Variants in NXF2B observed in about 807,000 individuals in gnomAD.
NXF2B encodes nuclear RNA export factor 2.
intron 2 of NXF2B, among the ~76,000 whole-genome samples, chrX:102,393,570 A>ATG (rs1934304581): frequency 2.6e-5 from 1 of 37,924 alleles, no homozygotes; most frequent in Non-Finnish European, 4.6e-5. Flanking sequence ...ATATATATAT[A>ATG]TATATATATA....
intron 2 of NXF2B, among the ~76,000 whole-genome samples, chrX:102,435,778 G>T (rs1219194498): frequency 7.3e-4 from 67 of 92,326 alleles, no homozygotes; most frequent in Admixed American, 1.7e-3. Context: ...AAAAAATCAT[G>T]TCCAGGGTTA....
chrX:102,398,147 C>A, intron 2 of NXF2B, among the ~76,000 whole-genome samples: 1 of 73,748 alleles, frequency 1.4e-5, no homozygotes, highest in African/African-American at 5.4e-5. Flanking sequence ...AACCAGCCAA[C>A]AAACATATGA....
Position 102,377,484 on chromosome X carries a change from A to AAT in NXF2B, c.43+2508_43+2509dup, listed in dbSNP as rs1313080643. 4.5e-3 allele frequency among the ~76,000 whole-genome samples: 9 copies of AAT among 2,004 alleles called. 1 individual carries two copies. The highest frequency in any genetic ancestry group is 0.021 in the African/African-American group (9 of 433). 1.7% of individuals were successfully genotyped at this position (2,004 alleles called of 115,157 possible). A position where few individuals can be genotyped will look rare whatever the true frequency, so the allele number is the denominator to read the frequency against. ...CTTGTTAATCTCCATTATTATTTTTAATTTTCTGTAGCTTCTCTTGAGTTT... is the reference window on the plus strand; with the variant it reads ...CTTGTTAATCTCCATTATTATTTTTAATATTTTCTGTAGCTTCTCTTGAGTTT... On this transcript the variant is annotated intron_variant, in intron 1 of 20. Coordinates refer to ENST00000604395, the Ensembl canonical transcript of NXF2B.
rs1440569559 is a variant in NXF2B, at chrX:102,392,918, T to A, written c.-53-12829A>T. ...TATCTTTTCAACAGACTTCTTTTTTTTTTTTTTAATCCTTTAAGTTTTAGG... is the reference window on the plus strand; with the variant it reads ...TATCTTTTCAACAGACTTCTTTTTTATTTTTTTAATCCTTTAAGTTTTAGG... On this transcript the variant is annotated intron_variant, in intron 2 of 22. Transcript: ENST00000602195. 2.0e-4 allele frequency among the ~76,000 whole-genome samples: 4 copies of A among 20,502 alleles called. 1 individual carries two copies. Among genetic ancestry groups the A allele is most frequent in the Admixed American group, 7.1e-4 (1 of 1,415 alleles). 17.8% of individuals were successfully genotyped at this position (20,502 alleles called of 115,157 possible). A position where few individuals can be genotyped will look rare whatever the true frequency, so the allele number is the denominator to read the frequency against.
At chrX:102,398,411 C>T (rs1483174804) in intron 2 of NXF2B, among the ~76,000 whole-genome samples, 2 of 14,155 alleles carry the variant, frequency 1.4e-4, no homozygotes, top group Non-Finnish European at 2.4e-4. Context: ...AATCCCCCTA[C>T]CGGGTATCTA....
At chrX:102,397,936 A>G (rs1388016403) in intron 2 of NXF2B, among the ~76,000 whole-genome samples, 3 of 114,544 alleles carry the variant, frequency 2.6e-5, no homozygotes, top group African/African-American at 9.5e-5. Context: ...CAAAGGAAAT[A>G]CTCAGAAGAG....
At chrX:102,412,594 G>GAA (rs1569471524) in intron 2 of NXF2B, among the ~76,000 whole-genome samples, 113 of 4,938 alleles carry the variant, frequency 0.023, 14 homozygotes, top group East Asian at 0.04. Flanking sequence ...AAGAGGAAGA[G>GAA]GAAGAAGAAG....
chrX:102,397,584 G>C (rs1202516269), intron 2 of NXF2B, among the ~76,000 whole-genome samples: 2 of 70,724 alleles, frequency 2.8e-5, no homozygotes, highest in Non-Finnish European at 5.4e-5. Context: ...AAAAACCCTA[G>C]AAGAAAACCT....
chrX:102,377,183 T>TGA (rs1348588913), intron 1 of NXF2B, among the ~76,000 whole-genome samples: 32 of 25,783 alleles, frequency 1.2e-3, no homozygotes, highest in African/African-American at 2.9e-3. Flanking sequence ...TGTGTGTGTG[T>TGA]GAGAGAGAGA....
chrX:102,412,594 G>GGAAGAA (rs1251891728), intron 2 of NXF2B, among the ~76,000 whole-genome samples: 77 of 4,957 alleles, frequency 0.016, 24 homozygotes, highest in African/African-American at 0.048. Flanking sequence ...AAGAGGAAGA[G>GGAAGAA]GAAGAAGAAG....
intron 2 of NXF2B, among the ~76,000 whole-genome samples, chrX:102,397,751 T>C (rs1470648829): frequency 2.3e-5 from 2 of 88,484 alleles, no homozygotes; most frequent in African/African-American, 8.3e-5. Flanking sequence ...ACAGGCAACC[T>C]ACAGAATGGG....
At chrX:102,405,053 G>A (rs1267871607) in intron 2 of NXF2B, among the ~76,000 whole-genome samples, 28 of 68,514 alleles carry the variant, frequency 4.1e-4, no homozygotes, top group African/African-American at 1.4e-3. Context: ...AGGCTGAGGC[G>A]GGAGGATCAC....
intron 2 of NXF2B, among the ~76,000 whole-genome samples, chrX:102,405,372 C>CG (rs1275859687): frequency 7.1e-4 from 2 of 2,801 alleles, no homozygotes; most frequent in African/African-American, 1.8e-3. Context: ...GACCAGGGGT[C>CG]GGGGGAGGGG....
At chrX:102,377,197 CGAGA>C (rs1244863265) in intron 1 of NXF2B, among the ~76,000 whole-genome samples, 37 of 69,880 alleles carry the variant, frequency 5.3e-4, no homozygotes, top group Admixed American at 9.0e-4. Context: ...AGAGAGAGAG[CGAGA>C]GAGAGAGAGA....
intron 2 of NXF2B, among the ~76,000 whole-genome samples, chrX:102,405,109 G>A (rs1385421076): frequency 7.7e-5 from 7 of 90,611 alleles, no homozygotes; most frequent in African/African-American, 2.6e-4. Context: ...GTGGAACCCC[G>A]TCTCTACTAA....
intron 2 of NXF2B, among the ~76,000 whole-genome samples, chrX:102,408,134 ATGTT>A (rs1290743728): frequency 1.7e-4 from 8 of 47,136 alleles, no homozygotes; most frequent in Admixed American, 2.5e-4. Context: ...TGCTTGCTTT[ATGTT>A]TGTTTGTTTG....
chrX:102,432,713 G>C (rs1303865271), intron 2 of NXF2B, among the ~76,000 whole-genome samples: 4 of 62,201 alleles, frequency 6.4e-5, no homozygotes, highest in Non-Finnish European at 1.7e-4. Flanking sequence ...TTCTGTTTTA[G>C]TAAATAAAAT....
intron 2 of NXF2B, chrX:102,426,871 G>A (rs1934433599): frequency 9.8e-6 from 1 of 102,524 alleles, no homozygotes; most frequent in Admixed American, 1.0e-4. Context: ...GTCTGTCCTG[G>A]TGGATCTTCT....
chrX:102,412,637 G>GAAGAAGAAGAAGAAGA lies in NXF2B; in HGVS notation c.-54+25915_-54+25916insTCTTCTTCTTCTTCTT, dbSNP rs1444900634. Among the ~76,000 whole-genome samples, 5 of 25,467 alleles carry GAAGAAGAAGAAGAAGA rather than the reference G, an allele frequency of 2.0e-4. 1 individual carries two copies. The highest frequency in any genetic ancestry group is 4.4e-4 in the Non-Finnish European group (5 of 11,284). 22.1% of individuals were successfully genotyped at this position (25,467 alleles called of 115,157 possible). A position where few individuals can be genotyped will look rare whatever the true frequency, so the allele number is the denominator to read the frequency against. ...AGAAGAAGAAGAAGAAGAAGAAGAA[G>GAAGAAGAAGAAGAAGA]AAGAAGAAGTAGTCATCATCGTCGT... is the stretch of plus-strand genomic sequence containing the variant. On this transcript the variant is annotated intron_variant, in intron 2 of 22. Transcript: ENST00000602195.
Sources: gnomAD v4.1 joint callset for allele counts (sites outside exome capture counted in the v4.1 genomes callset) on GRCh38, gnomAD v4.1.1 for gene constraint, MANE v1.5 for transcripts, NCBI Gene and HGNC (gene_info 2026-07-23, HGNC 2026-07-21) for gene names.